PKP4: variants seen among roughly 807,000 people sequenced by gnomAD.
PKP4 encodes plakophilin-4.
A neutral mutation model predicts 145.1 loss-of-function variants in PKP4; 90 were observed. The observed-to-expected ratio is 0.62, with a 90% CI of 0.52 to 0.74. PKP4 has a LOEUF of 0.74. PKP4 is among the 30% of genes least tolerant of loss of function. The probability of loss-of-function intolerance (pLI) is 0.00; values close to 1 mark genes in which losing one functional copy is unlikely to be tolerated. For synonymous variants in PKP4, 563 were observed against 577.2 expected (o/e 0.98, Z 0.35); for missense variants, 1,340 against 1,482.7 (o/e 0.90, Z 1.58).
chr2:158,612,405 T>C (rs532277976), intron 4 of PKP4, among the ~76,000 whole-genome samples: 1 of 152,330 alleles, frequency 6.6e-6, no homozygotes, highest in East Asian at 1.9e-4. Flanking sequence ...TTCTTATCAG[T>C]GAACATTTTG....
intron 1 of PKP4, among the ~76,000 whole-genome samples, chr2:158,499,729 A>G (rs1474163511): frequency 3.3e-5 from 5 of 152,216 alleles, no homozygotes; most frequent in African/African-American, 9.6e-5. Flanking sequence ...TCACTCGGTT[A>G]GAAATGAGGT....
intron 11 of PKP4, among the ~76,000 whole-genome samples, chr2:158,653,273 C>A (rs1558957045): frequency 6.6e-6 from 1 of 152,116 alleles, no homozygotes; most frequent in African/African-American, 2.4e-5. Flanking sequence ...TTAAGAAGTA[C>A]ATTTTTCAAA....
At chr2:158,647,240 G>A (rs2054917444) in intron 11 of PKP4, among the ~76,000 whole-genome samples, 1 of 152,158 alleles carries the variant, frequency 6.6e-6, no homozygotes, top group Admixed American at 6.5e-5. Context: ...GGCCTTTGTA[G>A]GTACGGTCCA....
At chr2:158,571,613 G>A (rs535360859) in intron 2 of PKP4, among the ~76,000 whole-genome samples, 1 of 152,236 alleles carries the variant, frequency 6.6e-6, no homozygotes, top group South Asian at 2.1e-4. Context: ...AGTATTCTTA[G>A]TAACTCAGAG....
chr2:158,641,364 T>C (rs963253017), intron 10 of PKP4, among the ~76,000 whole-genome samples: 3 of 152,012 alleles, frequency 2.0e-5, no homozygotes, highest in Non-Finnish European at 4.4e-5. Flanking sequence ...TTAAAAATTA[T>C]AGTATTCATT....
At chr2:158,556,446 G>A (rs1000715520) in intron 2 of PKP4, among the ~76,000 whole-genome samples, 4 of 151,770 alleles carry the variant, frequency 2.6e-5, no homozygotes, top group Non-Finnish European at 1.5e-5. Context: ...ACAAAAATGA[G>A]CTTAAAAACA....
rs114205235 is a variant in PKP4, at chr2:158,609,969, C to T, written c.280+6865C>T. Among the ~76,000 whole-genome samples, 1,253 of 152,302 alleles carry T rather than the reference C, an allele frequency of 8.2e-3. 21 individuals are homozygous for T. Among genetic ancestry groups the T allele is most frequent in the African/African-American group, 0.029 (1,194 of 41,570 alleles). On this transcript the variant is annotated intron_variant, in intron 4 of 21. Coordinates refer to ENST00000389759, the MANE Select transcript of PKP4 (RefSeq NM_003628.6). ...AGGAAGAGCTGCCCATTCTGCCAAA[C>T]ATTTTTATTTTCTCAGGTCTTTAAA... is the stretch of plus-strand genomic sequence containing the variant.
chr2:158,531,852 G>C (rs898218309), intron 1 of PKP4, among the ~76,000 whole-genome samples: 1 of 152,170 alleles, frequency 6.6e-6, no homozygotes, highest in Non-Finnish European at 1.5e-5. Context: ...TTGCTAGATA[G>C]AGCAGGCAAG....
At chr2:158,654,517 A>G (rs1002892800) in intron 11 of PKP4, among the ~76,000 whole-genome samples, 1 of 152,098 alleles carries the variant, frequency 6.6e-6, no homozygotes, top group Non-Finnish European at 1.5e-5. Context: ...GTTCCTTTCT[A>G]TTTTGCACTT....
chr2:158,458,321 C>T (rs941323137), intron 1 of PKP4: 3 of 152,514 alleles, frequency 2.0e-5, no homozygotes, highest in Non-Finnish European at 4.4e-5. Context: ...AGCCTCATTC[C>T]ACTCCTCTCC....
chr2:158,486,923 A>G (rs960424730), intron 1 of PKP4, among the ~76,000 whole-genome samples: 1 of 152,222 alleles, frequency 6.6e-6, no homozygotes, highest in Admixed American at 6.5e-5. Flanking sequence ...TTTTAGTTGT[A>G]ATGCATTCAC....
intron 1 of PKP4, among the ~76,000 whole-genome samples, chr2:158,459,610 T>C (rs1456537158): frequency 6.6e-6 from 1 of 152,218 alleles, no homozygotes; most frequent in African/African-American, 2.4e-5. Context: ...GTGGAGGATA[T>C]TGGGAGGTGT....
chr2:158,468,770 C>CTTTTTTTTTTTTTTTT (rs58577988), intron 1 of PKP4, among the ~76,000 whole-genome samples: 22 of 109,958 alleles, frequency 2.0e-4, no homozygotes, highest in Non-Finnish European at 2.8e-4. Flanking sequence ...TCTTCTTCTT[C>CTTTTTTTTTTTTTTTT]TTTTTTTTTT....
intron 17 of PKP4, among the ~76,000 whole-genome samples, chr2:158,672,832 A>G (rs1350829380): frequency 8.8e-6 from 1 of 113,028 alleles, no homozygotes; most frequent in Non-Finnish European, 1.8e-5. Flanking sequence ...ACTTCATGAG[A>G]GTTTAATTGG....
At chr2:158,564,876 G>A (rs1386722430) in intron 2 of PKP4, among the ~76,000 whole-genome samples, 2 of 152,132 alleles carry the variant, frequency 1.3e-5, no homozygotes, top group Admixed American at 1.3e-4. Context: ...ATGTATACTT[G>A]CATCTGGCTC....
At chr2:158,616,482 T>G (rs926169955) in intron 4 of PKP4, among the ~76,000 whole-genome samples, 4 of 46,770 alleles carry the variant, frequency 8.6e-5, no homozygotes, top group Non-Finnish European at 1.2e-4. Flanking sequence ...TTCTACTCAT[T>G]TTTTCCACAA....
intron 2 of PKP4, among the ~76,000 whole-genome samples, chr2:158,557,900 G>C (rs1030443768): frequency 6.6e-6 from 1 of 152,170 alleles, no homozygotes; most frequent in African/African-American, 2.4e-5. Flanking sequence ...TGTGTACCTT[G>C]AGGTGATTGT....
chr2:158,617,687 G>C (rs1213695161), intron 4 of PKP4, among the ~76,000 whole-genome samples: 1 of 152,142 alleles, frequency 6.6e-6, no homozygotes, highest in African/African-American at 2.4e-5. Context: ...TGTGTCTTCT[G>C]TTTACCTGAG....
chr2:158,470,453 A>G (rs1169399303), intron 1 of PKP4, among the ~76,000 whole-genome samples: 1 of 152,218 alleles, frequency 6.6e-6, no homozygotes, highest in East Asian at 1.9e-4. Flanking sequence ...GACCTAGTTC[A>G]AATAGATACT....
Sources: gnomAD v4.1 joint callset for allele counts (sites outside exome capture counted in the v4.1 genomes callset) on GRCh38, gnomAD v4.1.1 for gene constraint, MANE v1.5 for transcripts, NCBI Gene and HGNC (gene_info 2026-07-23, HGNC 2026-07-21) for gene names.